Variants in ACAP2 observed in about 807,000 individuals in gnomAD.
ACAP2 encodes arf-GAP with coiled-coil, ANK repeat and PH domain-containing protein 2.
A neutral mutation model predicts 115.8 loss-of-function variants in ACAP2; 39 were observed. That is an observed-to-expected ratio of 0.34 (90% CI 0.26 to 0.44). ACAP2 has a LOEUF of 0.44. ACAP2 is among the 20% of genes least tolerant of loss of function. The pLI, the probability that ACAP2 is intolerant of heterozygous loss-of-function variation, is 1.00. For synonymous variants in ACAP2, 289 were observed against 315.8 expected, an observed-to-expected ratio of 0.92 and a Z score of 0.90; for missense variants, 662 against 927.6, an observed-to-expected ratio of 0.71 and a Z score of 3.72.
chr3:195,403,925 G>C (rs1468665873), intron 1 of ACAP2, among the ~76,000 whole-genome samples: 1 of 152,166 alleles, frequency 6.6e-6, no homozygotes. Flanking sequence ...CATTAGACTG[G>C]ACATTATTAA....
intron 21 of ACAP2, among the ~76,000 whole-genome samples, chr3:195,288,840 C>T (rs936106209): frequency 3.3e-5 from 5 of 151,998 alleles, no homozygotes; most frequent in South Asian, 2.1e-4. Flanking sequence ...GAGTGAGAGT[C>T]GGTCTCAAAA....
chr3:195,331,006 T>C (rs904009002), intron 8 of ACAP2, among the ~76,000 whole-genome samples: 3 of 152,234 alleles, frequency 2.0e-5, no homozygotes, highest in Non-Finnish European at 4.4e-5. Context: ...TACCATGTCT[T>C]TGACTTTACA....
chr3:195,363,899 C>T (rs564160154), intron 4 of ACAP2, among the ~76,000 whole-genome samples: 5 of 152,130 alleles, frequency 3.3e-5, no homozygotes, highest in Non-Finnish European at 7.4e-5. Context: ...AAAGCTCAGA[C>T]AACTCCACTG....
chr3:195,360,029 T>A (rs1198011169), intron 4 of ACAP2, among the ~76,000 whole-genome samples: 2 of 152,204 alleles, frequency 1.3e-5, no homozygotes, highest in Non-Finnish European at 2.9e-5. Flanking sequence ...AAATCCTTAC[T>A]CATCCATAAC....
rs528991009 is a variant in ACAP2 at position 195,285,864 on chromosome 3, A to G, written c.2175-7T>C. On this transcript the variant is annotated splice_region_variant and splice_polypyrimidine_tract_variant and intron_variant, in intron 21 of 22. Transcript: ENST00000326793. ...CATTCTTGCTAAACGTAACCTAAAAATAAATAAAATAGTGTTTTAGATGAC... is the reference window on the plus strand; with the variant it reads ...CATTCTTGCTAAACGTAACCTAAAAGTAAATAAAATAGTGTTTTAGATGAC... 87 of 1,601,482 alleles carry G rather than the reference A, an allele frequency of 5.4e-5. 1 individual carries two copies. In the South Asian group the frequency reaches 9.3e-4, roughly 17 times the overall value.
At chr3:195,363,291 G>A (rs973382465) in intron 4 of ACAP2, among the ~76,000 whole-genome samples, 19 of 152,180 alleles carry the variant, frequency 1.2e-4, no homozygotes, top group African/African-American at 4.6e-4. Context: ...AAATGTTGAA[G>A]AGGACACAAA....
rs537824886 is a variant in ACAP2, at chr3:195,428,347, T to C, written c.53+14448A>G. 9.8e-4 allele frequency among the ~76,000 whole-genome samples: 143 copies of C among 145,602 alleles called. 2 individuals are homozygous for C. The highest frequency in any genetic ancestry group is 3.0e-3 in the African/African-American group (121 of 40,538). On this transcript the variant is annotated intron_variant, in intron 1 of 22. Transcript: ENST00000326793. ...ATATAGGTGTGTGTGTATATATATA[T>C]ACACACACACACACACTCATATATA...
intron 10 of ACAP2, among the ~76,000 whole-genome samples, chr3:195,319,216 G>A (rs577682050): frequency 6.6e-6 from 1 of 152,338 alleles, no homozygotes; most frequent in Non-Finnish European, 1.5e-5. Flanking sequence ...AATGCTTGAA[G>A]GTCCAGGCAG....
At chr3:195,298,891 A>T (rs1205244814) in intron 15 of ACAP2, among the ~76,000 whole-genome samples, 1 of 152,140 alleles carries the variant, frequency 6.6e-6, no homozygotes. Context: ...TCAGCCTCCC[A>T]AAGTGCTGGG....
chr3:195,297,171 A>C lies in ACAP2; in HGVS notation c.1487+19T>G. On this transcript the variant is annotated intron_variant, in intron 16 of 22. Transcript: ENST00000326793. Reference sequence around the variant, plus strand: ...TAGCTATATTCCTAATTAGGGGGAAAAAACAACTGAAATAGTACCTTTGTC... The same window carrying C: ...TAGCTATATTCCTAATTAGGGGGAACAAACAACTGAAATAGTACCTTTGTC... The C allele has an allele frequency of 1.2e-6, 2 of 1,602,860 alleles. No individual in the cohort carries two copies. Among genetic ancestry groups the C allele is most frequent in the South Asian group, 1.1e-5 (1 of 90,172 alleles).
chr3:195,312,908 G>A (rs1728859347), intron 10 of ACAP2: 1 of 152,184 alleles, frequency 6.6e-6, no homozygotes, highest in African/African-American at 2.4e-5. Flanking sequence ...AAGGAAACTG[G>A]AGTAAGATGA....
chr3:195,392,462 G>A (rs1453013378), intron 1 of ACAP2, among the ~76,000 whole-genome samples: 1 of 152,180 alleles, frequency 6.6e-6, no homozygotes, highest in Non-Finnish European at 1.5e-5. Context: ...TTTAAAAGTT[G>A]AGGTGTACAA....
At chr3:195,338,328 C>T (rs1171969243) in intron 6 of ACAP2, among the ~76,000 whole-genome samples, 2 of 152,036 alleles carry the variant, frequency 1.3e-5, no homozygotes, top group Non-Finnish European at 2.9e-5. Flanking sequence ...CTCTGTTGCC[C>T]ACCCTGGCCG....
At chr3:195,416,345 A>G (rs1713728116) in intron 1 of ACAP2, among the ~76,000 whole-genome samples, 1 of 150,836 alleles carries the variant, frequency 6.6e-6, no homozygotes, top group Non-Finnish European at 1.5e-5. Context: ...ACGCCGTCAA[A>G]AAAAAAAAAA....
At chr3:195,418,972 G>C (rs1713954838) in intron 1 of ACAP2, among the ~76,000 whole-genome samples, 8 of 152,056 alleles carry the variant, frequency 5.3e-5, no homozygotes. Context: ...GCTTGCAAGA[G>C]ACTGTATTGT....
In ACAP2 at chr3:195,333,003, A is replaced by C. The variant is rs774201180; in HGVS notation, c.669+25T>G. The C allele has an allele frequency of 2.6e-6, 4 of 1,523,370 alleles. No individual in the cohort carries two copies. The East Asian group carries it at 9.3e-5, about 35-fold the overall frequency. 94.4% of individuals were successfully genotyped at this position (1,523,370 alleles called of 1,614,324 possible). On this transcript the variant is annotated intron_variant, in intron 8 of 22. Coordinates refer to ENST00000326793, the MANE Select transcript of ACAP2 (RefSeq NM_012287.6). ...TACAAATACCAATGTATAAAACAGA[A>C]TCAAGAAATATACTGCAACATTACC...
At chr3:195,420,291 G>A (rs945903153) in intron 1 of ACAP2, among the ~76,000 whole-genome samples, 2 of 151,858 alleles carry the variant, frequency 1.3e-5, no homozygotes, top group African/African-American at 2.4e-5. Flanking sequence ...GTATACACAC[G>A]CTTGGAGGAC....
Position 195,302,248 on chromosome 3 carries a change from A to T in ACAP2, c.1117-74T>A. On this transcript the variant is annotated intron_variant, in intron 13 of 22. Transcript: ENST00000326793. ...TACTTTGTTGCACACTACATGCTCC[A>T]AACTAAAGCTTCCAATCAATAAATT... 4 of 1,327,080 alleles carry T rather than the reference A, an allele frequency of 3.0e-6. No homozygotes were observed. In the South Asian group the frequency reaches 5.7e-5, roughly 19 times the overall value. The allele number at this position is 1,327,080 out of a possible 1,614,324, so 82.2% of individuals were successfully genotyped here. A position where few individuals can be genotyped will look rare whatever the true frequency, so the allele number is the denominator to read the frequency against.
At chr3:195,309,355 ACCAACATGGTGAAACCTAG>A (rs1372039242) in intron 10 of ACAP2, among the ~76,000 whole-genome samples, 2 of 151,916 alleles carry the variant, frequency 1.3e-5, no homozygotes, top group Non-Finnish European at 2.9e-5. Flanking sequence ...GACCAGCCTG[ACCAACATGGTGAAACCTAG>A]CCTCTAATAA....
Sources: gnomAD v4.1 joint callset for allele counts (sites outside exome capture counted in the v4.1 genomes callset) on GRCh38, gnomAD v4.1.1 for gene constraint, MANE v1.5 for transcripts, NCBI Gene and HGNC (gene_info 2026-07-23, HGNC 2026-07-21) for gene names.